TENT2: variants seen among roughly 807,000 people sequenced by gnomAD.
The protein encoded by TENT2 is terminal nucleotidyltransferase 2.
TENT2 carries 44 observed loss-of-function variants against 72.2 expected under a neutral mutation model. The observed-to-expected ratio is 0.61, with a 90% CI of 0.48 to 0.78. The LOEUF (loss-of-function observed/expected upper bound fraction) is 0.78. TENT2 is among the 30% of genes least tolerant of loss of function. The pLI, the probability that TENT2 is intolerant of heterozygous loss-of-function variation, is 0.00. For synonymous variants in TENT2, 212 were observed against 192.5 expected, an observed-to-expected ratio of 1.10 and a Z score of -0.84; for missense variants, 541 against 569.6, an observed-to-expected ratio of 0.95 and a Z score of 0.51.
At chr5:79,676,717 T>C (rs2150848018) in intron 12 of TENT2, among the ~76,000 whole-genome samples, 1 of 152,330 alleles carries the variant, frequency 6.6e-6, no homozygotes, top group Middle Eastern at 3.4e-3. Context: ...TAAAAGATGA[T>C]CATGTATTAT....
chr5:79,678,359 A>G (rs140038330), intron 12 of TENT2, among the ~76,000 whole-genome samples: 1 of 152,128 alleles, frequency 6.6e-6, no homozygotes, highest in Non-Finnish European at 1.5e-5. Flanking sequence ...AGTGTAGGGT[A>G]AGTGTTGGAA....
At chr5:79,680,766 G>A (rs1456636918) in intron 13 of TENT2, among the ~76,000 whole-genome samples, 1 of 151,982 alleles carries the variant, frequency 6.6e-6, no homozygotes, top group African/African-American at 2.4e-5. Flanking sequence ...CTCTTTATTT[G>A]GTCCTACTGG....
At chr5:79,629,433 A>C (rs954556498) in intron 4 of TENT2, among the ~76,000 whole-genome samples, 8 of 152,216 alleles carry the variant, frequency 5.3e-5, no homozygotes, top group African/African-American at 1.9e-4. Context: ...TAGCATTCAA[A>C]TATTTGTGAG....
chr5:79,669,888 A>G (rs993514835), intron 12 of TENT2, among the ~76,000 whole-genome samples: 17 of 152,242 alleles, frequency 1.1e-4, no homozygotes, highest in Middle Eastern at 3.4e-3. Flanking sequence ...CCAGTGAAGC[A>G]TAGAGAGAGG....
chr5:79,621,448 T>C (rs1180835427), intron 3 of TENT2, among the ~76,000 whole-genome samples: 5 of 152,110 alleles, frequency 3.3e-5, no homozygotes, highest in African/African-American at 1.2e-4. Flanking sequence ...AGCCAATTTG[T>C]GAATTAAGAA....
At chr5:79,678,893 T>C (rs754061819) in intron 12 of TENT2, among the ~76,000 whole-genome samples, 31 of 143,430 alleles carry the variant, frequency 2.2e-4, no homozygotes, top group Admixed American at 3.4e-4. Context: ...TACTTGTACT[T>C]TCTTTTCTTT....
Position 79,642,772 on chromosome 5 carries a change from G to GA in TENT2, c.673-56dup, listed in dbSNP as rs1785461196. ...TTTTCTTTTTGTTGAGATACTTTAG[G>GA]AAAATGAAACATTAAACTTAGAAAG... On this transcript the variant is annotated intron_variant, in intron 6 of 14. Coordinates refer to ENST00000453514, the MANE Select transcript of TENT2 (RefSeq NM_001114394.3). 3 of 1,367,680 alleles carry GA rather than the reference G, an allele frequency of 2.2e-6. 1 individual carries two copies. Among genetic ancestry groups the GA allele is most frequent in the African/African-American group, 1.5e-5 (1 of 68,404 alleles). The allele number at this position is 1,367,680 out of a possible 1,614,324, so 84.7% of individuals were successfully genotyped here. A position where few individuals can be genotyped will look rare whatever the true frequency, so the allele number is the denominator to read the frequency against.
intron 10 of TENT2, among the ~76,000 whole-genome samples, chr5:79,649,673 T>C (rs748947074): frequency 1.3e-5 from 2 of 152,160 alleles, no homozygotes; most frequent in East Asian, 3.8e-4. Context: ...TAATTTTGTC[T>C]GGTTAGTCAT....
intron 1 of TENT2, among the ~76,000 whole-genome samples, chr5:79,615,408 G>A (rs1041759309): frequency 3.3e-5 from 5 of 152,074 alleles, no homozygotes; most frequent in East Asian, 1.9e-4. Flanking sequence ...GCTATGAACC[G>A]ATTTAAATAA....
intron 10 of TENT2, among the ~76,000 whole-genome samples, chr5:79,655,212 C>G (rs1797046565): frequency 1.3e-5 from 2 of 152,108 alleles, no homozygotes; most frequent in Non-Finnish European, 2.9e-5. Context: ...CTGCAGTACA[C>G]TAATTGCTTC....
intron 12 of TENT2, among the ~76,000 whole-genome samples, chr5:79,676,998 A>C (rs1817790451): frequency 1.3e-5 from 2 of 152,210 alleles, no homozygotes; most frequent in South Asian, 4.1e-4. Context: ...CAGGAGATTG[A>C]GGCTGCAGTG....
chr5:79,626,712 T>C (rs1040607011), intron 4 of TENT2, among the ~76,000 whole-genome samples: 2 of 151,682 alleles, frequency 1.3e-5, no homozygotes, highest in African/African-American at 4.8e-5. Flanking sequence ...TACTCCCTCA[T>C]TGGCCTCCCA....
chr5:79,665,640 T>A (rs1462102514), intron 11 of TENT2, among the ~76,000 whole-genome samples: 1 of 152,192 alleles, frequency 6.6e-6, no homozygotes, highest in East Asian at 1.9e-4. Flanking sequence ...TTTCAGGAGT[T>A]AACAGGTTAT....
At chr5:79,655,569 T>C (rs1320904980) in intron 10 of TENT2, among the ~76,000 whole-genome samples, 1 of 152,074 alleles carries the variant, frequency 6.6e-6, no homozygotes, top group Non-Finnish European at 1.5e-5. Context: ...ATAACCAAAA[T>C]TACTAGAAAG....
At position 79,679,494 on chromosome 5, in the gene TENT2, G is replaced by T. The variant is rs529686456; in HGVS notation, c.1209-85G>T. On this transcript the variant is annotated intron_variant, in intron 12 of 14. Coordinates refer to ENST00000453514, the MANE Select transcript of TENT2 (RefSeq NM_001114394.3). ...TTTCAGTGTTCCACAAGAAAATTGGGGTAGGCCTTAGTATTGATACAATAA... is the reference window on the plus strand; with the variant it reads ...TTTCAGTGTTCCACAAGAAAATTGGTGTAGGCCTTAGTATTGATACAATAA... 1.1e-5 allele frequency: 9 copies of T among 825,884 alleles called. No individual in the cohort carries two copies. In the African/African-American group the frequency reaches 1.2e-4, roughly 11 times the overall value. 51.2% of individuals were successfully genotyped at this position (825,884 alleles called of 1,614,324 possible).
chr5:79,650,793 G>T (rs138932971), intron 10 of TENT2, among the ~76,000 whole-genome samples: 2 of 152,104 alleles, frequency 1.3e-5, no homozygotes, highest in African/African-American at 4.8e-5. Context: ...TTTGGATAGG[G>T]ATTGGAGGAT....
intron 2 of TENT2, 48 bp downstream of exon 2, chr5:79,619,833 C>T: frequency 6.3e-6 from 10 of 1,579,748 alleles, no homozygotes; most frequent in Non-Finnish European, 7.8e-6. Flanking sequence ...ATTTCATTTT[C>T]TATTTGACAT....
chr5:79,678,153 A>G (rs1818735161), intron 12 of TENT2, among the ~76,000 whole-genome samples: 1 of 152,204 alleles, frequency 6.6e-6, no homozygotes, highest in Non-Finnish European at 1.5e-5. Context: ...AAAGAACTTA[A>G]AACTTTCACA....
chr5:79,624,496 C>T (rs1032680828), intron 4 of TENT2, among the ~76,000 whole-genome samples: 10 of 151,590 alleles, frequency 6.6e-5, no homozygotes, highest in Admixed American at 6.6e-4. Flanking sequence ...AAATATATTC[C>T]CAAAGTTGTG....
Sources: allele counts gnomAD v4.1 joint callset (sites outside exome capture counted in the v4.1 genomes callset), GRCh38; gene constraint gnomAD v4.1.1; transcripts MANE v1.5; gene names NCBI Gene and HGNC (gene_info 2026-07-23, HGNC 2026-07-21).